FRS2: variants seen among roughly 807,000 people sequenced by gnomAD.
FRS2 encodes the protein FGFR signalling adaptor.
Under a neutral mutation model 43.9 loss-of-function variants are expected in FRS2, and 8 were observed. That is an observed-to-expected ratio of 0.18 (90% confidence interval 0.11 to 0.33). FRS2 has a LOEUF of 0.33. Among genes scored for constraint, FRS2 ranks in the 10% least tolerant of loss-of-function variants. FRS2 has a pLI of 1.00. For missense variants in FRS2, 534 were observed against 627.6 expected (o/e 0.85, Z 1.59); for synonymous variants, 219 against 220.3 (o/e 0.99, Z 0.05).
At chr12:69,506,416 T>C (rs1873932442) in intron 1 of FRS2, among the ~76,000 whole-genome samples, 2 of 152,194 alleles carry the variant, frequency 1.3e-5, no homozygotes, top group African/African-American at 4.8e-5. Flanking sequence ...TCCAGTATTT[T>C]AGAATAATAT....
intron 1 of FRS2, among the ~76,000 whole-genome samples, chr12:69,486,589 T>C (rs1017808871): frequency 2.0e-5 from 3 of 152,210 alleles, no homozygotes; most frequent in Non-Finnish European, 4.4e-5. Context: ...CATCTCTCAC[T>C]TTAAATCAAA....
intron 1 of FRS2, among the ~76,000 whole-genome samples, chr12:69,525,173 A>G (rs906300668): frequency 6.9e-6 from 1 of 144,906 alleles, no homozygotes; most frequent in Non-Finnish European, 1.5e-5. Context: ...ATCAAATCAC[A>G]ATGTTAAGAT....
At chr12:69,543,994 A>G (rs113529641) in intron 3 of FRS2, among the ~76,000 whole-genome samples, 5,011 of 151,384 alleles carry the variant, frequency 0.033, 274 homozygotes, top group African/African-American at 0.11. Flanking sequence ...ATAAATTGTG[A>G]ACCACTTTGA....
intron 1 of FRS2, among the ~76,000 whole-genome samples, chr12:69,510,034 A>G (rs953821791): frequency 3.9e-5 from 6 of 152,142 alleles, no homozygotes; most frequent in African/African-American, 1.2e-4. Flanking sequence ...ACTGGCTTCT[A>G]TTGTGTTTGT....
At chr12:69,483,466 A>G (rs11177690) in intron 1 of FRS2, among the ~76,000 whole-genome samples, 13,726 of 152,220 alleles carry the variant, frequency 0.09, 1,280 homozygotes, top group East Asian at 0.38. Flanking sequence ...GTTTTAATTC[A>G]TAAAGTGAAA....
chr12:69,509,105 T>G (rs1874224276), intron 1 of FRS2, among the ~76,000 whole-genome samples: 1 of 152,224 alleles, frequency 6.6e-6, no homozygotes, highest in Non-Finnish European at 1.5e-5. Context: ...TTAAGTAATC[T>G]GTCATCTCCA....
chr12:69,485,082 AAC>A (rs71094716), intron 1 of FRS2, among the ~76,000 whole-genome samples: 6,782 of 85,200 alleles, frequency 0.08, 217 homozygotes, highest in Middle Eastern at 0.12. Context: ...CTCATCTTAA[AAC>A]ACACACACAC....
At chr12:69,554,137 C>T (rs1184326732) in intron 3 of FRS2, among the ~76,000 whole-genome samples, 1 of 152,174 alleles carries the variant, frequency 6.6e-6, no homozygotes, top group Non-Finnish European at 1.5e-5. Flanking sequence ...TGTATGTAGT[C>T]TGCTTTTGGG....
At position 69,574,971 on chromosome 12, in the gene FRS2, T is replaced by A. The variant is rs774180380; in HGVS notation, c.*16T>A. On this transcript the variant is annotated 3_prime_UTR_variant, in exon 9 of 9. Coordinates refer to ENST00000549921, the MANE Select transcript of FRS2 (RefSeq NM_001278356.2). ...GCCCATGTGAGCCTGGAAAGCATTGTGTTGTTTGCACCTTTGTGAAGTTTT... is the reference window on the plus strand; with the variant it reads ...GCCCATGTGAGCCTGGAAAGCATTGAGTTGTTTGCACCTTTGTGAAGTTTT... 3.3e-6 allele frequency: 5 copies of A among 1,513,222 alleles called. No individual in the cohort carries two copies. Among genetic ancestry groups the A allele is most frequent in the Non-Finnish European group, 4.6e-6 (5 of 1,092,388 alleles). 93.7% of individuals were successfully genotyped at this position (1,513,222 alleles called of 1,614,324 possible). A position where few individuals can be genotyped will look rare whatever the true frequency, so the allele number is the denominator to read the frequency against.
chr12:69,525,725 C>T (rs1388558756), intron 1 of FRS2, among the ~76,000 whole-genome samples: 1 of 151,340 alleles, frequency 6.6e-6, no homozygotes, highest in African/African-American at 2.4e-5. Context: ...TTTTTTTTAG[C>T]ACCATAAACT....
chr12:69,500,190 C>A (rs1263363023), intron 1 of FRS2, among the ~76,000 whole-genome samples: 1 of 152,098 alleles, frequency 6.6e-6, no homozygotes, highest in Non-Finnish European at 1.5e-5. Flanking sequence ...CTGCTAAATT[C>A]TCTGAGCCTA....
In FRS2 at chr12:69,578,508, C is replaced by T. The variant is rs1278952981; in HGVS notation, c.*3553C>T. The T allele has an allele frequency of 1.3e-5, 2 of 152,484 alleles. No homozygotes were observed. Among genetic ancestry groups the T allele is most frequent in the African/African-American group, 2.4e-5 (1 of 41,452 alleles). 9.4% of individuals were successfully genotyped at this position (152,484 alleles called of 1,614,324 possible). ...TCCCTGTTCCCCATCCCTACTTCCTCATTTTTGGTATAACACAGTTCTTTT... is the reference window on the plus strand; with the variant it reads ...TCCCTGTTCCCCATCCCTACTTCCTTATTTTTGGTATAACACAGTTCTTTT... On this transcript the variant is annotated 3_prime_UTR_variant, in exon 9 of 9. Coordinates refer to ENST00000549921, the MANE Select transcript of FRS2 (RefSeq NM_001278356.2).
chr12:69,503,625 C>T (rs1268883104), intron 1 of FRS2, among the ~76,000 whole-genome samples: 1 of 152,050 alleles, frequency 6.6e-6, no homozygotes, highest in Non-Finnish European at 1.5e-5. Context: ...TGAGCTTCTA[C>T]GTGGTGGTAA....
chr12:69,531,023 A>G (rs1239668909), intron 2 of FRS2, 63 bp downstream of exon 2: 1 of 146,948 alleles, frequency 6.8e-6, no homozygotes, highest in Non-Finnish European at 1.5e-5. Context: ...TTTGAAAATC[A>G]TTTAATTAAA....
At chr12:69,553,292 C>T (rs575182212) in intron 3 of FRS2, among the ~76,000 whole-genome samples, 12 of 151,988 alleles carry the variant, frequency 7.9e-5, no homozygotes, top group South Asian at 6.2e-4. Flanking sequence ...AGGATGGTCT[C>T]GAACTGCTCA....
At chr12:69,537,799 CCTT>C (rs1160031111) in intron 3 of FRS2, 1 of 152,386 alleles carries the variant, frequency 6.6e-6, no homozygotes, top group African/African-American at 2.4e-5. Flanking sequence ...CTTATTTTCT[CCTT>C]CTATAACTCT....
chr12:69,506,308 A>G (rs891509554), intron 1 of FRS2, among the ~76,000 whole-genome samples: 9 of 151,982 alleles, frequency 5.9e-5, no homozygotes, highest in African/African-American at 2.2e-4. Context: ...CCCAAAGACT[A>G]TATTTGATTT....
intron 1 of FRS2, among the ~76,000 whole-genome samples, chr12:69,496,615 A>G (rs2121021632): frequency 6.6e-6 from 1 of 152,344 alleles, no homozygotes; most frequent in Middle Eastern, 3.4e-3. Context: ...ATATAAACCA[A>G]ACGCTTTCAC....
At chr12:69,548,825 A>G (rs887090952) in intron 3 of FRS2, among the ~76,000 whole-genome samples, 2 of 152,184 alleles carry the variant, frequency 1.3e-5, no homozygotes, top group Non-Finnish European at 2.9e-5. Context: ...TGAATCAGCA[A>G]GAGCTATAAG....
Sources: gnomAD v4.1 joint callset for allele counts (sites outside exome capture counted in the v4.1 genomes callset) on GRCh38, gnomAD v4.1.1 for gene constraint, MANE v1.5 for transcripts, NCBI Gene and HGNC (gene_info 2026-07-23, HGNC 2026-07-21) for gene names.